EPS15: variants seen among roughly 807,000 people sequenced by gnomAD.
EPS15 encodes the protein epidermal growth factor receptor substrate 15.
EPS15 carries 72 observed loss-of-function variants against 113.8 expected under a neutral mutation model. That is an observed-to-expected ratio of 0.63 (90% CI 0.52 to 0.77). The LOEUF is 0.77. Among genes scored for constraint, EPS15 ranks in the 30% least tolerant of loss-of-function variants. EPS15 has a pLI of 0.00. For missense variants in EPS15, 1,048 were observed against 1,045.8 expected, an observed-to-expected ratio of 1.00 and a Z score of -0.03; for synonymous variants, 344 against 363.4, an observed-to-expected ratio of 0.95 and a Z score of 0.61.
chr1:51,467,633 G>A (rs767536260), intron 5 of EPS15, among the ~76,000 whole-genome samples: 1 of 152,190 alleles, frequency 6.6e-6, no homozygotes, highest in Non-Finnish European at 1.5e-5. Context: ...GGCCTGTTAG[G>A]AACTGAGCTG....
At chr1:51,357,424 A>ATTTT (rs1389203817) in intron 24 of EPS15, among the ~76,000 whole-genome samples, 2 of 68,180 alleles carry the variant, frequency 2.9e-5, no homozygotes, top group African/African-American at 1.6e-4. Flanking sequence ...ATATATATAT[A>ATTTT]TATTTTTTTT....
At chr1:51,393,685 C>T (rs1647621446) in intron 21 of EPS15, among the ~76,000 whole-genome samples, 1 of 152,126 alleles carries the variant, frequency 6.6e-6, no homozygotes, top group Admixed American at 6.5e-5. Context: ...TTCTGCTCTC[C>T]CATCCCAAAT....
intron 4 of EPS15, among the ~76,000 whole-genome samples, chr1:51,469,825 G>A (rs901952091): frequency 6.6e-6 from 1 of 151,122 alleles, no homozygotes; most frequent in Non-Finnish European, 1.5e-5. Flanking sequence ...AAAAACTACC[G>A]CCTATGTCAC....
intron 21 of EPS15, among the ~76,000 whole-genome samples, chr1:51,381,742 ATTAGAAAAT>A (rs1339248941): frequency 6.6e-6 from 1 of 152,220 alleles, no homozygotes; most frequent in African/African-American, 2.4e-5. Context: ...CACAAAGAAA[ATTAGAAAAT>A]ATCTTGAAAC....
At chr1:51,496,708 A>G (rs1426463800) in intron 1 of EPS15, among the ~76,000 whole-genome samples, 1 of 152,194 alleles carries the variant, frequency 6.6e-6, no homozygotes, top group Non-Finnish European at 1.5e-5. Context: ...ATATTTTAAA[A>G]TACTGCAGTT....
At chr1:51,505,899 T>G (rs1225292430) in intron 1 of EPS15, among the ~76,000 whole-genome samples, 1 of 152,056 alleles carries the variant, frequency 6.6e-6, no homozygotes, top group Non-Finnish European at 1.5e-5. Flanking sequence ...TTTGTTGGTT[T>G]GTTTTGAGAT....
chr1:51,451,865 C>T (rs575230870), intron 8 of EPS15, among the ~76,000 whole-genome samples: 7 of 152,170 alleles, frequency 4.6e-5, no homozygotes, highest in Admixed American at 6.5e-5. Flanking sequence ...CCAGCAACCA[C>T]GAAAAGAAAG....
At chr1:51,388,982 T>A (rs1647180858) in intron 21 of EPS15, among the ~76,000 whole-genome samples, 2 of 152,202 alleles carry the variant, frequency 1.3e-5, no homozygotes. Flanking sequence ...GCCAGCATCA[T>A]CCTGATACCA....
At chr1:51,421,535 A>C (rs925558129) in intron 13 of EPS15, among the ~76,000 whole-genome samples, 1 of 152,174 alleles carries the variant, frequency 6.6e-6, no homozygotes, top group Non-Finnish European at 1.5e-5. Flanking sequence ...GCAGGTAAGT[A>C]CCATTTAAAA....
Position 51,372,750 on chromosome 1 carries a change from G to C in EPS15, c.2120-6721C>G, listed in dbSNP as rs187976145. The C allele has an allele frequency of 7.4e-4, 305 of 414,498 alleles. 1 individual carries two copies. The highest frequency in any genetic ancestry group is 5.7e-3 in the African/African-American group (279 of 48,652). The allele number at this position is 414,498 out of a possible 1,614,324, so 25.7% of individuals were successfully genotyped here. ...GCATGTGGCTAATGAAACTGGAGCA[G>C]AGGAAGCTGAGGCAGCTGGAGCTGA... On this transcript the variant is annotated intron_variant, in intron 21 of 24. Transcript: ENST00000371733.
intron 1 of EPS15, among the ~76,000 whole-genome samples, chr1:51,497,096 TA>T (rs1376378526): frequency 6.6e-6 from 1 of 152,240 alleles, no homozygotes; most frequent in African/African-American, 2.4e-5. Context: ...ACATATAGAA[TA>T]TTTTTTAGAA....
At chr1:51,406,641 A>G (rs1327498636) in intron 15 of EPS15, among the ~76,000 whole-genome samples, 1 of 151,778 alleles carries the variant, frequency 6.6e-6, no homozygotes, top group African/African-American at 2.4e-5. Flanking sequence ...TTTTTTTTTT[A>G]AAGAGATTCA....
intron 18 of EPS15, among the ~76,000 whole-genome samples, chr1:51,401,761 A>AG (rs1648576025): frequency 6.6e-6 from 1 of 152,082 alleles, no homozygotes; most frequent in African/African-American, 2.4e-5. Context: ...CCAGCACTTT[A>AG]GAAGGCCGAG....
chr1:51,356,816 C>T lies in EPS15; in HGVS notation c.2575G>A (p.Ala859Thr). Reference sequence around the variant, plus strand: ...TCCTCTCTCTCACTTTCCCTCTTGGCCCATTCGATCATATCTTCTTCAGAG... The same window carrying T: ...TCCTCTCTCTCACTTTCCCTCTTGGTCCATTCGATCATATCTTCTTCAGAG... ...YPSEEDMIEWAKRESEREEEQ... is the reference protein window; with the variant it reads ...YPSEEDMIEWTKRESEREEEQ... Residue 859 changes from alanine to threonine, a missense_variant, in exon 25 of 25, where the codon GCC (alanine) becomes ACC (threonine). Ala to Thr is a moderately conservative substitution (Grantham distance 58). Transcript: ENST00000371733. 1 of 1,613,556 alleles carries T rather than the reference C, an allele frequency of 6.2e-7. No individual in the cohort carries two copies. The highest frequency in any genetic ancestry group is 2.2e-5 in the East Asian group (1 of 44,842).
intron 1 of EPS15, among the ~76,000 whole-genome samples, chr1:51,510,487 T>C (rs1288212394): frequency 6.6e-6 from 1 of 152,146 alleles, no homozygotes. Flanking sequence ...AAGTATTTAG[T>C]ATTTATTAGG....
At chr1:51,387,528 T>C (rs914624060) in intron 21 of EPS15, among the ~76,000 whole-genome samples, 20 of 152,152 alleles carry the variant, frequency 1.3e-4, no homozygotes, top group South Asian at 1.0e-3. Flanking sequence ...GACTGGCAAG[T>C]TGGATAAAGA....
chr1:51,413,837 C>T (rs1649966191), intron 13 of EPS15, among the ~76,000 whole-genome samples: 1 of 152,122 alleles, frequency 6.6e-6, no homozygotes, highest in African/African-American at 2.4e-5. Flanking sequence ...TAGCTTCAAC[C>T]TCCTGGGCTC....
intron 1 of EPS15, among the ~76,000 whole-genome samples, chr1:51,482,663 G>A (rs576714281): frequency 5.3e-5 from 8 of 151,912 alleles, no homozygotes; most frequent in East Asian, 1.9e-4. Flanking sequence ...ATGGGGTTTC[G>A]CCATGTTGTC....
chr1:51,459,633 G>A (rs1031352957), intron 8 of EPS15, among the ~76,000 whole-genome samples: 2 of 152,046 alleles, frequency 1.3e-5, no homozygotes, highest in Non-Finnish European at 2.9e-5. Context: ...AACAAAGAAA[G>A]CCTTAACTAA....
Sources: gnomAD v4.1 joint callset for allele counts (sites outside exome capture counted in the v4.1 genomes callset) on GRCh38, gnomAD v4.1.1 for gene constraint, MANE v1.5 for transcripts, NCBI Gene and HGNC (gene_info 2026-07-23, HGNC 2026-07-21) for gene names.